The following DCLK1 variants were observed in gnomAD, a reference collection of about 807,000 sequenced individuals.
DCLK1 encodes serine/threonine-protein kinase DCLK1.
DCLK1 carries 16 observed loss-of-function variants against 86.2 expected under a neutral mutation model. That is an observed-to-expected ratio of 0.19 (90% confidence interval 0.13 to 0.28). The LOEUF (loss-of-function observed/expected upper bound fraction) is 0.28. Ranked by LOEUF, DCLK1 falls within the 10% of genes least tolerant of loss-of-function variation. The pLI is 1.00. For missense variants in DCLK1, 590 were observed against 940.2 expected (o/e 0.63, Z 4.87); for synonymous variants, 369 against 370.5 (o/e 1.00, Z 0.05).
chr13:35,903,233 T>A (rs1235209361), intron 4 of DCLK1, among the ~76,000 whole-genome samples: 1 of 152,180 alleles, frequency 6.6e-6, no homozygotes, highest in African/African-American at 2.4e-5. Flanking sequence ...GCTTCTATCA[T>A]CCCCATGATG....
chr13:35,960,055 GA>G (rs1406458761), intron 3 of DCLK1, among the ~76,000 whole-genome samples: 1 of 151,986 alleles, frequency 6.6e-6, no homozygotes, highest in African/African-American at 2.4e-5. Flanking sequence ...CCTTTTCCTG[GA>G]GAGAGGAGGA....
Position 35,967,300 on chromosome 13 carries a change from C to T in DCLK1, c.724-19843G>A, listed in dbSNP as rs1237716390. ...GTCTGGGAAGTGAGGAGCCCCTCTG[C>T]CCGGCCGCCACCCCATCTGGGAGGT... On this transcript the variant is annotated intron_variant, in intron 3 of 16. Transcript: ENST00000360631. Among the ~76,000 whole-genome samples the T allele has an allele frequency of 5.9e-3, 901 of 152,272 alleles. 15 individuals are homozygous for T. The highest frequency in any genetic ancestry group is 0.021 in the African/African-American group (862 of 41,560).
At chr13:36,120,137 G>A (rs1318314636) in intron 2 of DCLK1, among the ~76,000 whole-genome samples, 1 of 151,990 alleles carries the variant, frequency 6.6e-6, no homozygotes, top group Non-Finnish European at 1.5e-5. Context: ...CATACCACAA[G>A]AAAATGAGGA....
At chr13:35,830,251 C>T (rs969770206) in intron 8 of DCLK1, among the ~76,000 whole-genome samples, 1 of 151,962 alleles carries the variant, frequency 6.6e-6, no homozygotes, top group African/African-American at 2.4e-5. Flanking sequence ...ATTAGCCAGG[C>T]ATGGTGTTGC....
chr13:36,016,270 C>T (rs972493167), intron 3 of DCLK1, among the ~76,000 whole-genome samples: 2 of 152,188 alleles, frequency 1.3e-5, no homozygotes, highest in Admixed American at 6.5e-5. Context: ...ACCTACAGTA[C>T]ATTAAAATGC....
At chr13:35,885,677 C>T (rs1048419166) in intron 4 of DCLK1, among the ~76,000 whole-genome samples, 2 of 152,136 alleles carry the variant, frequency 1.3e-5, no homozygotes, top group African/African-American at 4.8e-5. Flanking sequence ...GCAGAACACA[C>T]ACAAAAATCA....
intron 4 of DCLK1, among the ~76,000 whole-genome samples, chr13:35,945,818 A>G (rs1877350548): frequency 6.6e-6 from 1 of 152,194 alleles, no homozygotes; most frequent in African/African-American, 2.4e-5. Flanking sequence ...AAGGGCACGT[A>G]GGTCAGAAAT....
In DCLK1 at chr13:36,040,811, T is replaced by C. The variant is rs1405132848; in HGVS notation, c.723+71058A>G. Among the ~76,000 whole-genome samples, 4 of 152,198 alleles carry C rather than the reference T, an allele frequency of 2.6e-5. No homozygotes were observed. The East Asian group carries it at 7.7e-4, about 29-fold the overall frequency. ...TGAACCATGGATATTTACTTTATAC[T>C]TTGGGTTATAATCCAAGGCTACTTT... On this transcript the variant is annotated intron_variant, in intron 3 of 16. Transcript: ENST00000360631.
chr13:35,862,188 T>G (rs974084916), intron 5 of DCLK1, among the ~76,000 whole-genome samples: 2 of 152,132 alleles, frequency 1.3e-5, no homozygotes, highest in Non-Finnish European at 2.9e-5. Context: ...CCCAAATATA[T>G]ATTGTTAGCG....
chr13:35,974,084 A>C (rs1352861428), intron 3 of DCLK1, among the ~76,000 whole-genome samples: 2 of 152,232 alleles, frequency 1.3e-5, no homozygotes, highest in African/African-American at 4.8e-5. Flanking sequence ...ATAGAAAATA[A>C]AACAAATAAA....
Position 36,030,377 on chromosome 13 carries a change from G to T in DCLK1, c.723+81492C>A, listed in dbSNP as rs60059324. 9.5e-3 allele frequency among the ~76,000 whole-genome samples: 1,440 copies of T among 151,928 alleles called. 27 individuals carry two copies. Among genetic ancestry groups the T allele is most frequent in the African/African-American group, 0.033 (1,368 of 41,412 alleles). On this transcript the variant is annotated intron_variant, in intron 3 of 16. Coordinates refer to ENST00000360631, the MANE Select transcript of DCLK1 (RefSeq NM_001330071.2). ...AGTGGCACGATCTTGGCTCACTGCA[G>T]CCTCTGCCTCCTGGGTTCAAGCAAT...
intron 3 of DCLK1, among the ~76,000 whole-genome samples, chr13:36,065,384 G>A (rs1351331418): frequency 2.0e-5 from 3 of 152,076 alleles, no homozygotes; most frequent in Non-Finnish European, 4.4e-5. Flanking sequence ...CTTCCTATAG[G>A]ATCAAAAGGA....
chr13:35,968,310 A>G (rs1878884893), intron 3 of DCLK1, among the ~76,000 whole-genome samples: 1 of 152,188 alleles, frequency 6.6e-6, no homozygotes, highest in Non-Finnish European at 1.5e-5. Flanking sequence ...GAGATGGATG[A>G]TGGTGGTGGT....
intron 3 of DCLK1, among the ~76,000 whole-genome samples, chr13:36,096,708 A>G (rs974886818): frequency 6.6e-6 from 1 of 152,200 alleles, no homozygotes; most frequent in African/African-American, 2.4e-5. Context: ...ACAGCTTGAA[A>G]TATGTTAATA....
At chr13:35,829,671 C>A (rs190818953) in intron 8 of DCLK1, among the ~76,000 whole-genome samples, 22 of 152,174 alleles carry the variant, frequency 1.4e-4, no homozygotes, top group Admixed American at 1.2e-3. Flanking sequence ...TGGTGCCGGC[C>A]TCAAAAAACA....
chr13:36,101,828 C>T (rs1439933673), intron 3 of DCLK1, among the ~76,000 whole-genome samples: 1 of 152,110 alleles, frequency 6.6e-6, no homozygotes, highest in East Asian at 1.9e-4. Context: ...ACTGCAACCT[C>T]CGCCTTCAAG....
At chr13:36,034,586 A>G (rs188645206) in intron 3 of DCLK1, among the ~76,000 whole-genome samples, 97 of 152,332 alleles carry the variant, frequency 6.4e-4, no homozygotes, top group Middle Eastern at 6.8e-3. Flanking sequence ...TGAAGGACTT[A>G]AGTCATGATA....
intron 4 of DCLK1, among the ~76,000 whole-genome samples, chr13:35,896,984 C>T (rs1478420964): frequency 2.6e-5 from 4 of 152,070 alleles, no homozygotes; most frequent in African/African-American, 9.7e-5. Context: ...AGAGCAGGTG[C>T]CCCAGGCTAC....
At chr13:36,008,139 A>ATTTTT (rs777909367) in intron 3 of DCLK1, among the ~76,000 whole-genome samples, 1 of 102,168 alleles carries the variant, frequency 9.8e-6, no homozygotes, top group African/African-American at 3.8e-5. Context: ...TCTCTCTAAA[A>ATTTTT]TTTTTTTTTT....
Sources: allele counts gnomAD v4.1 joint callset (sites outside exome capture counted in the v4.1 genomes callset), GRCh38; gene constraint gnomAD v4.1.1; transcripts MANE v1.5; gene names NCBI Gene and HGNC (gene_info 2026-07-23, HGNC 2026-07-21).